Variants in CTBS observed in about 807,000 individuals in gnomAD.
CTBS encodes the protein di-N-acetylchitobiase.
Under a neutral mutation model 44.3 loss-of-function variants are expected in CTBS, and 35 were observed. The observed-to-expected ratio is 0.79, with a 90% CI of 0.60 to 1.05. The LOEUF (loss-of-function observed/expected upper bound fraction) is 1.05, where lower values mean the gene tolerates loss of function less well. Among genes scored for constraint, CTBS ranks in the 50% least tolerant of loss-of-function variants. The probability of loss-of-function intolerance (pLI) is 0.00; values close to 1 mark genes in which losing one functional copy is unlikely to be tolerated. For missense variants in CTBS, 458 were observed against 475.3 expected (o/e 0.96, Z 0.34); for synonymous variants, 143 against 168.0 (o/e 0.85, Z 1.15).
chr1:84,570,072 A>G lies in CTBS; in HGVS notation c.384T>C (p.Asn128=), dbSNP rs200457411. 63 of 1,613,694 alleles carry G rather than the reference A, an allele frequency of 3.9e-5. No homozygotes were observed. The highest frequency in any genetic ancestry group is 1.1e-5 in the South Asian group (1 of 91,066). The change falls in exon 3 of 7, where the codon AAT becomes AAC. Residue 128 remains asparagine (N), a synonymous_variant. Coordinates refer to ENST00000370630, the MANE Select transcript of CTBS (RefSeq NM_004388.3). ...CATCCATATATTGTGTTTTGGCCAA[A>G]TTAAGTTTTTGAGCTATCCAGGATG... is the stretch of plus-strand genomic sequence containing the variant. The part of the protein sequence containing the change: ...FRASWIAQKL[N]LAKTQYMDGI...
Position 84,569,979 on chromosome 1 carries a change from T to G in CTBS, c.477A>C (p.Leu159Phe). The G allele has an allele frequency of 6.2e-7, 1 of 1,613,058 alleles. No homozygotes were observed. Among genetic ancestry groups the G allele is most frequent in the Non-Finnish European group, 8.5e-7 (1 of 1,179,778 alleles). The change falls in exon 3 of 7, where the codon TTA (leucine) becomes TTC (phenylalanine). Residue 159 changes from leucine (L) to phenylalanine (F), a missense_variant. Coordinates refer to ENST00000370630, the MANE Select transcript of CTBS (RefSeq NM_004388.3). ...LSPEYDALTA[L>F]VKETTDSFHR... ...GGAAAGAGTCTGTAGTTTCTTTGACTAAAGCAGTTAATGCATCATATTCAG... is the reference window on the plus strand; with the variant it reads ...GGAAAGAGTCTGTAGTTTCTTTGACGAAAGCAGTTAATGCATCATATTCAG...
At chr1:84,568,427 C>G (rs12408872) in intron 3 of CTBS, among the ~76,000 whole-genome samples, 41,151 of 152,118 alleles carry the variant, frequency 0.27, 6,261 homozygotes, top group East Asian at 0.58. Flanking sequence ...TCCATACTGA[C>G]AGATCTTCCC....
At position 84,554,186 on chromosome 1, in the gene CTBS, G is replaced by A. The variant is rs774661253; in HGVS notation, c.*813C>T. 3 of 152,000 alleles carry A rather than the reference G, an allele frequency of 2.0e-5. No individual in the cohort carries two copies. The highest frequency in any genetic ancestry group is 4.4e-5 in the Non-Finnish European group (3 of 67,980). The allele number at this position is 152,000 out of a possible 1,614,324, so 9.4% of individuals were successfully genotyped here. A position where few individuals can be genotyped will look rare whatever the true frequency, so the allele number is the denominator to read the frequency against. On this transcript the variant is annotated 3_prime_UTR_variant, in exon 7 of 7. Coordinates refer to ENST00000370630, the MANE Select transcript of CTBS (RefSeq NM_004388.3). Reference sequence around the variant, plus strand: ...TTAACCATGTAAGCAAGCTAGCCAAGAAATAAATTATATATGTCCATAAAT... The same window carrying A: ...TTAACCATGTAAGCAAGCTAGCCAAAAAATAAATTATATATGTCCATAAAT...
chr1:84,570,144 G>A lies in CTBS; in HGVS notation c.317-5C>T. On this transcript the variant is annotated splice_polypyrimidine_tract_variant and splice_region_variant and intron_variant, in intron 2 of 6. Coordinates refer to ENST00000370630, the MANE Select transcript of CTBS (RefSeq NM_004388.3). The stretch of plus-strand genomic sequence containing the variant: ...TATCCTTTAAGGATACATCTCCTGT[G>A]GAAGAAGTATATATCTTTTGAACAT... The A allele has an allele frequency of 6.2e-7, 1 of 1,605,040 alleles. No homozygotes were observed. The highest frequency in any genetic ancestry group is 8.5e-7 in the Non-Finnish European group (1 of 1,175,208).
rs1309876844 is a variant in CTBS at position 84,570,132 on chromosome 1, T to C, written c.324A>G (p.Val108=). 1.2e-6 allele frequency: 2 copies of C among 1,610,058 alleles called. No individual in the cohort carries two copies. Among genetic ancestry groups the C allele is most frequent in the Non-Finnish European group, 1.7e-6 (2 of 1,178,774 alleles). Residue 108 remains valine, a synonymous_variant, in exon 3 of 7, where the codon GTA becomes GTG. Transcript: ENST00000370630. ...CAGGATCAATGATATCCTTTAAGGATACATCTCCTGTGGAAGAAGTATATA... is the reference window on the plus strand; with the variant it reads ...CAGGATCAATGATATCCTTTAAGGACACATCTCCTGTGGAAGAAGTATATA... ...KGARVVLKGD[V]SLKDIIDPAF...
intron 1 of CTBS, among the ~76,000 whole-genome samples, chr1:84,571,662 A>C (rs57732801): frequency 0.037 from 5,661 of 152,284 alleles, 362 homozygotes; most frequent in African/African-American, 0.13. Context: ...CTAGGCTCTA[A>C]GGAGATAAAG....
chr1:84,556,720 A>AG (rs1023790374), intron 6 of CTBS, among the ~76,000 whole-genome samples: 4 of 151,806 alleles, frequency 2.6e-5, no homozygotes, highest in Non-Finnish European at 5.9e-5. Flanking sequence ...CAAAAAAAAA[A>AG]AAAAAAAAGA....
intron 4 of CTBS, among the ~76,000 whole-genome samples, chr1:84,564,505 T>C (rs924382318): frequency 1.3e-5 from 2 of 152,198 alleles, no homozygotes; most frequent in Non-Finnish European, 2.9e-5. Context: ...GGGTGGGGTA[T>C]GTATCAGTTC....
intron 4 of CTBS, among the ~76,000 whole-genome samples, chr1:84,564,188 A>G (rs1030959255): frequency 5.3e-5 from 8 of 152,336 alleles, no homozygotes; most frequent in Admixed American, 4.6e-4. Context: ...AAGTTTCAAA[A>G]AAGTTTTATA....
chr1:84,555,603 C>T (rs920124821), intron 6 of CTBS, among the ~76,000 whole-genome samples: 2 of 152,160 alleles, frequency 1.3e-5, no homozygotes, highest in Admixed American at 6.5e-5. Flanking sequence ...ATTACAGAAA[C>T]GAGCCTCCTA....
chr1:84,568,671 C>A (rs1647203659), intron 3 of CTBS, among the ~76,000 whole-genome samples: 1 of 152,112 alleles, frequency 6.6e-6, no homozygotes, highest in Non-Finnish European at 1.5e-5. Context: ...GAATCGTAAT[C>A]CCCAATGTTG....
intron 6 of CTBS, among the ~76,000 whole-genome samples, chr1:84,561,406 C>T (rs1007655886): frequency 4.6e-5 from 7 of 152,106 alleles, no homozygotes; most frequent in African/African-American, 7.2e-5. Context: ...CTTATGAATA[C>T]GCAAAGAAAG....
intron 6 of CTBS, among the ~76,000 whole-genome samples, chr1:84,559,387 G>A (rs1276734842): frequency 1.3e-5 from 2 of 152,146 alleles, no homozygotes; most frequent in African/African-American, 2.4e-5. Flanking sequence ...TTGGAAGGCC[G>A]AGATGGGAGG....
At position 84,554,847 on chromosome 1, in the gene CTBS, A is replaced by AT; in HGVS notation, c.*151dup. ...CTGGATACTGAGGACATTCGTGTGTATTTTTCAAATTCAAACAATCAAAAC... is the reference window on the plus strand; with the variant it reads ...CTGGATACTGAGGACATTCGTGTGTATTTTTTCAAATTCAAACAATCAAAAC... On this transcript the variant is annotated 3_prime_UTR_variant, in exon 7 of 7. Coordinates refer to ENST00000370630, the MANE Select transcript of CTBS (RefSeq NM_004388.3). The AT allele has an allele frequency of 1.6e-6, 1 of 629,138 alleles. No homozygotes were observed. Among genetic ancestry groups the AT allele is most frequent in the Non-Finnish European group, 2.6e-6 (1 of 377,362 alleles). 39.0% of individuals were successfully genotyped at this position (629,138 alleles called of 1,614,324 possible).
intron 1 of CTBS, chr1:84,573,766 G>T: frequency 2.7e-6 from 1 of 368,596 alleles, no homozygotes; most frequent in Non-Finnish European, 3.8e-6. Context: ...ACTCTTCATG[G>T]GTGGTTTTGA....
At chr1:84,558,046 C>A (rs1265282010) in intron 6 of CTBS, among the ~76,000 whole-genome samples, 1 of 151,996 alleles carries the variant, frequency 6.6e-6, no homozygotes, top group Non-Finnish European at 1.5e-5. Context: ...TTTCAAGACA[C>A]AAATTTTCAA....
At chr1:84,573,345 T>A (rs901424813) in intron 1 of CTBS, among the ~76,000 whole-genome samples, 2 of 152,252 alleles carry the variant, frequency 1.3e-5, no homozygotes, top group Admixed American at 6.5e-5. Context: ...TGCCGATTCA[T>A]AAGTTGTTCT....
At position 84,552,956 on chromosome 1, in the gene CTBS, C is replaced by A; in HGVS notation, c.*2043G>T. On this transcript the variant is annotated 3_prime_UTR_variant, in exon 7 of 7. Transcript: ENST00000370630. Reference sequence around the variant, plus strand: ...AAGACAGTTAAAGCGGTTACAAAAACCCTGTTTACATGACAACTATGATGT... The same window carrying A: ...AAGACAGTTAAAGCGGTTACAAAAAACCTGTTTACATGACAACTATGATGT... The A allele has an allele frequency of 2.1e-6, 2 of 942,844 alleles. No homozygotes were observed. Among genetic ancestry groups the A allele is most frequent in the Non-Finnish European group, 3.1e-6 (2 of 635,410 alleles). The allele number at this position is 942,844 out of a possible 1,614,324, so 58.4% of individuals were successfully genotyped here.
Position 84,553,122 on chromosome 1 carries a change from T to C in CTBS, c.*1877A>G, listed in dbSNP as rs977371162. 8 of 1,454,762 alleles carry C rather than the reference T, an allele frequency of 5.5e-6. No homozygotes were observed. The highest frequency in any genetic ancestry group is 7.4e-6 in the Non-Finnish European group (8 of 1,087,720). The allele number at this position is 1,454,762 out of a possible 1,614,324, so 90.1% of individuals were successfully genotyped here. A position where few individuals can be genotyped will look rare whatever the true frequency, so the allele number is the denominator to read the frequency against. On this transcript the variant is annotated 3_prime_UTR_variant, in exon 7 of 7. Transcript: ENST00000370630. ...AATAATACATCTCTACAATCTCAAT[T>C]AGGTATGTTAATTTAAAACTTTTAT...
Sources: gnomAD v4.1 joint callset for allele counts (sites outside exome capture counted in the v4.1 genomes callset) on GRCh38, gnomAD v4.1.1 for gene constraint, MANE v1.5 for transcripts, NCBI Gene and HGNC (gene_info 2026-07-23, HGNC 2026-07-21) for gene names.